Variants in PLCB1 observed in about 807,000 individuals in gnomAD.
PLCB1 encodes phospholipase C beta 1, also known as 1-phosphatidylinositol 4,5-bisphosphate phosphodiesterase beta-1.
PLCB1 carries 46 observed loss-of-function variants against 161.8 expected under a neutral mutation model. The observed-to-expected ratio is 0.28, with a 90% CI of 0.22 to 0.36. The LOEUF is 0.36. PLCB1 is among the 10% of genes least tolerant of loss of function. The probability of loss-of-function intolerance (pLI) is 1.00; values close to 1 mark genes in which losing one functional copy is unlikely to be tolerated. For synonymous variants in PLCB1, 517 were observed against 503.7 expected, an observed-to-expected ratio of 1.03 and a Z score of -0.35; for missense variants, 1,016 against 1,472.5, an observed-to-expected ratio of 0.69 and a Z score of 5.07.
intron 17 of PLCB1, among the ~76,000 whole-genome samples, chr20:8,727,711 T>C (rs1980015685): frequency 6.6e-6 from 1 of 152,050 alleles, no homozygotes; most frequent in Admixed American, 6.6e-5. Flanking sequence ...AGCTTTATGG[T>C]TTGCTCTTTG....
intron 3 of PLCB1, among the ~76,000 whole-genome samples, chr20:8,399,848 A>G (rs948756755): frequency 9.2e-5 from 14 of 152,218 alleles, no homozygotes; most frequent in African/African-American, 3.4e-4. Flanking sequence ...GAAAATAAAA[A>G]TAAGAAAAAA....
intron 2 of PLCB1, among the ~76,000 whole-genome samples, chr20:8,221,805 TG>T (rs1979426971): frequency 6.6e-6 from 1 of 152,224 alleles, no homozygotes; most frequent in African/African-American, 2.4e-5. Context: ...AATATTTAAA[TG>T]GGTCTGAAAA....
At chr20:8,371,621 C>A in intron 3 of PLCB1, 171 bp downstream of exon 3, 2 of 484,678 alleles carry the variant, frequency 4.1e-6, no homozygotes, top group Non-Finnish European at 7.3e-6. Flanking sequence ...AAACAATGAA[C>A]AAATATGTGG....
intron 2 of PLCB1, among the ~76,000 whole-genome samples, chr20:8,364,354 A>C (rs1209149744): frequency 2.6e-5 from 4 of 152,344 alleles, no homozygotes; most frequent in Non-Finnish European, 2.9e-5. Flanking sequence ...CAGGGATAAC[A>C]TTCAGACTGG....
At chr20:8,506,449 C>T (rs749532870) in intron 3 of PLCB1, among the ~76,000 whole-genome samples, 16 of 152,248 alleles carry the variant, frequency 1.1e-4, no homozygotes, top group South Asian at 2.1e-4. Context: ...CACCATTTAA[C>T]GTGCTAAACA....
chr20:8,391,386 TTAAA>T (rs1204594339), intron 3 of PLCB1, among the ~76,000 whole-genome samples: 1 of 152,138 alleles, frequency 6.6e-6, no homozygotes, highest in African/African-American at 2.4e-5. Context: ...TTGCCAACAG[TTAAA>T]TAGATTTTCC....
intron 3 of PLCB1, among the ~76,000 whole-genome samples, chr20:8,395,902 C>G (rs529850838): frequency 1.3e-5 from 2 of 151,916 alleles, no homozygotes; most frequent in East Asian, 3.9e-4. Flanking sequence ...AATATATTTT[C>G]CCCTGATACT....
At chr20:8,823,652 C>T (rs1386387903) in intron 31 of PLCB1, among the ~76,000 whole-genome samples, 1 of 152,186 alleles carries the variant, frequency 6.6e-6, no homozygotes, top group Non-Finnish European at 1.5e-5. Flanking sequence ...CCATTCTGAA[C>T]TAATATGTCT....
At chr20:8,377,267 T>C (rs1310373108) in intron 3 of PLCB1, among the ~76,000 whole-genome samples, 1 of 152,084 alleles carries the variant, frequency 6.6e-6, no homozygotes, top group Non-Finnish European at 1.5e-5. Flanking sequence ...AGTAGAGACA[T>C]GAACTTAGTG....
chr20:8,536,248 A>C (rs187855546), intron 3 of PLCB1, among the ~76,000 whole-genome samples: 39 of 152,218 alleles, frequency 2.6e-4, no homozygotes, highest in Non-Finnish European at 4.4e-5. Context: ...TTCTTAAGAG[A>C]AAGAAAGTTC....
intron 23 of PLCB1, among the ~76,000 whole-genome samples, chr20:8,754,224 G>T (rs1981623996): frequency 6.6e-6 from 1 of 152,130 alleles, no homozygotes; most frequent in Non-Finnish European, 1.5e-5. Flanking sequence ...GATAAGCAGA[G>T]ATTTATTTTT....
At chr20:8,382,504 C>T (rs1307158768) in intron 3 of PLCB1, among the ~76,000 whole-genome samples, 8 of 149,084 alleles carry the variant, frequency 5.4e-5, no homozygotes, top group African/African-American at 1.2e-4. Flanking sequence ...AGGATGGTCT[C>T]GATCTCCTGA....
At chr20:8,616,875 C>A (rs73598292) in intron 3 of PLCB1, among the ~76,000 whole-genome samples, 19,724 of 152,168 alleles carry the variant, frequency 0.13, 1,604 homozygotes, top group East Asian at 0.29. Flanking sequence ...TCAGTATTCC[C>A]CAAGAATAGT....
intron 26 of PLCB1, among the ~76,000 whole-genome samples, chr20:8,770,069 C>G (rs1982591845): frequency 6.6e-6 from 1 of 152,116 alleles, no homozygotes; most frequent in African/African-American, 2.4e-5. Context: ...TCTCCTGCCT[C>G]AGCCTCCTGA....
At chr20:8,539,003 G>A (rs962283425) in intron 3 of PLCB1, among the ~76,000 whole-genome samples, 1 of 151,452 alleles carries the variant, frequency 6.6e-6, no homozygotes, top group African/African-American at 2.4e-5. Flanking sequence ...GTCTCAGGCT[G>A]GTCCTGAACT....
chr20:8,784,689 A>G (rs1301639172), intron 27 of PLCB1, among the ~76,000 whole-genome samples: 2 of 152,228 alleles, frequency 1.3e-5, no homozygotes, highest in African/African-American at 4.8e-5. Flanking sequence ...ATATCCTCTG[A>G]AAACATATAC....
chr20:8,764,129 T>G (rs778902764), intron 25 of PLCB1, among the ~76,000 whole-genome samples: 11 of 152,122 alleles, frequency 7.2e-5, no homozygotes, highest in Non-Finnish European at 1.3e-4. Flanking sequence ...ATCACGCCAC[T>G]GCACTCCAGC....
chr20:8,574,549 C>T (rs1008798754), intron 3 of PLCB1, among the ~76,000 whole-genome samples: 30 of 152,076 alleles, frequency 2.0e-4, no homozygotes, highest in African/African-American at 7.0e-4. Flanking sequence ...GAATGAAAAT[C>T]GTTTATTTTG....
chr20:8,813,087 G>A (rs1488955483), intron 31 of PLCB1, among the ~76,000 whole-genome samples: 2 of 152,296 alleles, frequency 1.3e-5, no homozygotes, highest in African/African-American at 4.8e-5. Flanking sequence ...CCTGGACACC[G>A]CGTCCTCTCC....
Sources: gnomAD v4.1 joint callset for allele counts (sites outside exome capture counted in the v4.1 genomes callset) on GRCh38, gnomAD v4.1.1 for gene constraint, MANE v1.5 for transcripts, NCBI Gene and HGNC (gene_info 2026-07-23, HGNC 2026-07-21) for gene names.